The following KCNMA1 variants were observed in gnomAD, a reference collection of about 807,000 sequenced individuals.
KCNMA1 encodes the protein Calcium-activated potassium channel subunit alpha-1.
Under a neutral mutation model 140.0 loss-of-function variants are expected in KCNMA1, and 29 were observed. The ratio of observed to expected loss-of-function variants is 0.21; its 90% CI spans 0.15 to 0.28. KCNMA1 has a LOEUF of 0.28. KCNMA1 is among the 10% of genes least tolerant of loss of function. The probability of loss-of-function intolerance (pLI) is 1.00; values close to 1 mark genes in which losing one functional copy is unlikely to be tolerated. For missense variants in KCNMA1, 880 were observed against 1,602.2 expected (o/e 0.55, Z 7.70); for synonymous variants, 612 against 611.9 (o/e 1.00, Z 0.00).
At chr10:77,379,477 A>G (rs961158684) in intron 2 of KCNMA1, among the ~76,000 whole-genome samples, 1 of 151,754 alleles carries the variant, frequency 6.6e-6, no homozygotes, top group South Asian at 2.1e-4. Context: ...AGATAAATAT[A>G]TAGAAGCAGA....
intron 1 of KCNMA1, among the ~76,000 whole-genome samples, chr10:77,404,240 T>G (rs574566274): frequency 6.6e-6 from 1 of 152,280 alleles, no homozygotes; most frequent in Admixed American, 6.5e-5. Flanking sequence ...TAAAATATCT[T>G]AGTGAAACAA....
intron 1 of KCNMA1, 190 bp downstream of exon 1, chr10:77,637,075 A>G: frequency 7.5e-7 from 1 of 1,342,258 alleles, no homozygotes; most frequent in Non-Finnish European, 9.8e-7. Flanking sequence ...GCAACTCCTC[A>G]CCCCCGGCGC....
intron 3 of KCNMA1, among the ~76,000 whole-genome samples, chr10:77,216,036 A>C (rs997995183): frequency 6.6e-6 from 1 of 152,086 alleles, no homozygotes; most frequent in Non-Finnish European, 1.5e-5. Context: ...CTTAGCCTCT[A>C]TTTCTATCTT....
At chr10:77,523,082 G>A (rs921259466) in intron 1 of KCNMA1, among the ~76,000 whole-genome samples, 6 of 151,838 alleles carry the variant, frequency 4.0e-5, no homozygotes, top group Non-Finnish European at 8.8e-5. Flanking sequence ...ACTCTCTCAT[G>A]CTCTTCCCAG....
intron 2 of KCNMA1, among the ~76,000 whole-genome samples, chr10:77,271,417 T>C (rs1197396594): frequency 6.6e-6 from 1 of 152,048 alleles, no homozygotes; most frequent in Non-Finnish European, 1.5e-5. Flanking sequence ...CTCTCTCGTC[T>C]CACAAAAAAG....
intron 1 of KCNMA1, among the ~76,000 whole-genome samples, chr10:77,426,912 C>G (rs539811509): frequency 6.6e-6 from 1 of 152,368 alleles, no homozygotes; most frequent in South Asian, 2.1e-4. Flanking sequence ...TCGTGACCCA[C>G]ACATACCTAC....
At chr10:77,322,695 A>T (rs542187968) in intron 2 of KCNMA1, among the ~76,000 whole-genome samples, 2 of 152,304 alleles carry the variant, frequency 1.3e-5, no homozygotes, top group South Asian at 2.1e-4. Context: ...GGAAGATTTC[A>T]TTGCAAATTT....
At chr10:77,479,217 A>C (rs2098337038) in intron 1 of KCNMA1, among the ~76,000 whole-genome samples, 1 of 152,242 alleles carries the variant, frequency 6.6e-6, no homozygotes, top group Non-Finnish European at 1.5e-5. Context: ...GGATTTGGAA[A>C]GAGACAGAGA....
chr10:76,996,347 A>G (rs79415196), intron 19 of KCNMA1, among the ~76,000 whole-genome samples: 1 of 152,238 alleles, frequency 6.6e-6, no homozygotes, highest in African/African-American at 2.4e-5. Context: ...CACAAAATCA[A>G]GCAAGAGGCA....
chr10:77,401,400 C>T (rs757879054), intron 2 of KCNMA1, among the ~76,000 whole-genome samples: 2 of 152,132 alleles, frequency 1.3e-5, no homozygotes, highest in Non-Finnish European at 1.5e-5. Context: ...CGTGATCCAC[C>T]CACCTGAGCC....
At chr10:77,369,267 C>A (rs533218649) in intron 2 of KCNMA1, among the ~76,000 whole-genome samples, 8 of 152,080 alleles carry the variant, frequency 5.3e-5, no homozygotes, top group Non-Finnish European at 1.2e-4. Context: ...GTCTGGGAAG[C>A]ACAGCTCTAG....
intron 5 of KCNMA1, among the ~76,000 whole-genome samples, chr10:77,154,052 A>AAT (rs1316276826): frequency 4.6e-5 from 7 of 152,142 alleles, no homozygotes; most frequent in African/African-American, 1.7e-4. Flanking sequence ...AGGTGGAGGT[A>AAT]ATTGGATCAC....
intron 5 of KCNMA1, among the ~76,000 whole-genome samples, chr10:77,176,549 G>T (rs1018707410): frequency 3.3e-5 from 5 of 152,086 alleles, no homozygotes; most frequent in Non-Finnish European, 7.4e-5. Flanking sequence ...TCCCTAACAG[G>T]CTGTAAAATA....
chr10:77,505,168 T>G (rs1205636567), intron 1 of KCNMA1, among the ~76,000 whole-genome samples: 1 of 152,200 alleles, frequency 6.6e-6, no homozygotes, highest in Non-Finnish European at 1.5e-5. Flanking sequence ...TGCCTGGAAA[T>G]GCATAAATGT....
At chr10:77,060,356 C>T (rs1411716320) in intron 14 of KCNMA1, among the ~76,000 whole-genome samples, 2 of 152,138 alleles carry the variant, frequency 1.3e-5, no homozygotes, top group African/African-American at 4.8e-5. Flanking sequence ...TGGAGTTTGC[C>T]ATATTGGAAT....
chr10:76,970,209 A>C (rs2075617861), intron 19 of KCNMA1, 142 bp from the exon 20 acceptor site: 1 of 722,328 alleles, frequency 1.4e-6, no homozygotes, highest in Non-Finnish European at 2.5e-6. Context: ...AATGACAAAG[A>C]CCAAATGTGT....
intron 1 of KCNMA1, among the ~76,000 whole-genome samples, chr10:77,431,377 G>A (rs2154494547): frequency 6.6e-6 from 1 of 152,286 alleles, no homozygotes; most frequent in South Asian, 2.1e-4. Flanking sequence ...ATACCTTGAG[G>A]CCTCTGGTAT....
chr10:77,158,333 C>G (rs2098513021), intron 5 of KCNMA1, among the ~76,000 whole-genome samples: 2 of 152,102 alleles, frequency 1.3e-5, no homozygotes, highest in African/African-American at 4.8e-5. Flanking sequence ...GTAGTGAAGG[C>G]AAGAGCTCAT....
At chr10:77,404,117 C>T (rs563694338) in intron 1 of KCNMA1, 94 bp from the exon 2 acceptor site, 1 of 1,243,646 alleles carries the variant, frequency 8.0e-7, no homozygotes, top group South Asian at 1.2e-5. Context: ...AAGGGGTCCC[C>T]AGCTGAGATG....
Sources: gnomAD v4.1 joint callset for allele counts (sites outside exome capture counted in the v4.1 genomes callset) on GRCh38, gnomAD v4.1.1 for gene constraint, MANE v1.5 for transcripts, NCBI Gene and HGNC (gene_info 2026-07-23, HGNC 2026-07-21) for gene names.